The following RBFOX1 variants were observed in gnomAD, a reference collection of about 807,000 sequenced individuals.
The protein encoded by RBFOX1 is RNA binding fox-1 homolog 1.
Under a neutral mutation model 57.7 loss-of-function variants are expected in RBFOX1, and 8 were observed. The observed-to-expected ratio is 0.14, with a 90% CI of 0.08 to 0.25. The LOEUF is 0.25. RBFOX1 is among the 10% of genes least tolerant of loss of function. The pLI is 1.00. For missense variants in RBFOX1, 611 were observed against 548.5 expected (o/e 1.11, Z -1.14); for synonymous variants, 326 against 222.4 (o/e 1.47, Z -4.15).
intron 2 of RBFOX1, among the ~76,000 whole-genome samples, chr16:5,560,770 G>A (rs528743348): frequency 2.0e-5 from 3 of 152,240 alleles, no homozygotes; most frequent in South Asian, 2.1e-4. Flanking sequence ...ATACCTATGA[G>A]CTCCATGCTG....
chr16:7,399,220 G>C (rs1186521045), intron 4 of RBFOX1, among the ~76,000 whole-genome samples: 1 of 152,236 alleles, frequency 6.6e-6, no homozygotes, highest in Non-Finnish European at 1.5e-5. Context: ...GGCCGAAGCA[G>C]GTGGATTACC....
chr16:5,511,184 TA>T (rs1340167266), intron 2 of RBFOX1, among the ~76,000 whole-genome samples: 1 of 152,202 alleles, frequency 6.6e-6, no homozygotes, highest in Non-Finnish European at 1.5e-5. Flanking sequence ...AAGAACAGAC[TA>T]GTGATTCTTG....
At chr16:6,104,447 A>G (rs1425243219) in intron 1 of RBFOX1, among the ~76,000 whole-genome samples, 5 of 152,242 alleles carry the variant, frequency 3.3e-5, no homozygotes, top group Non-Finnish European at 2.9e-5. Flanking sequence ...TAATTTATAT[A>G]ACATAAAATC....
At chr16:6,867,013 C>T (rs9932626) in intron 3 of RBFOX1, among the ~76,000 whole-genome samples, 1 of 141,142 alleles carries the variant, frequency 7.1e-6, no homozygotes, top group African/African-American at 2.6e-5. Flanking sequence ...GTTAGCTGTT[C>T]TTTAAAAAAA....
intron 2 of RBFOX1, among the ~76,000 whole-genome samples, chr16:6,643,957 C>T (rs1017046427): frequency 6.6e-6 from 1 of 152,026 alleles, no homozygotes; most frequent in African/African-American, 2.4e-5. Flanking sequence ...GAAACCCCAT[C>T]TGTACTAAAA....
intron 3 of RBFOX1, among the ~76,000 whole-genome samples, chr16:7,037,649 A>ATAT (rs2044915108): frequency 6.6e-6 from 1 of 152,212 alleles, no homozygotes; most frequent in Non-Finnish European, 1.5e-5. Flanking sequence ...CACTCTTCTA[A>ATAT]TTGCTTTGCA....
rs1042659221 is a variant in RBFOX1, at chr16:6,696,705, C to T, written c.-16+42055C>T. Among the ~76,000 whole-genome samples the T allele has an allele frequency of 5.3e-5, 8 of 150,174 alleles. No homozygotes were observed. In the East Asian group the frequency reaches 1.6e-3, roughly 29 times the overall value. ...TATCTCAAAGGAGATTTTTTTTTTC[C>T]ATGTAACTTCCTTGGCTTGTTTAAC... On this transcript the variant is annotated intron_variant, in intron 3 of 15. Coordinates refer to ENST00000550418, the MANE Select transcript of RBFOX1 (RefSeq NM_018723.4).
At chr16:7,550,446 G>A (rs572594734) in intron 5 of RBFOX1, among the ~76,000 whole-genome samples, 3 of 152,272 alleles carry the variant, frequency 2.0e-5, no homozygotes, top group East Asian at 1.9e-4. Flanking sequence ...CAGCAGAGCC[G>A]TGTTGTCCCA....
intron 2 of RBFOX1, among the ~76,000 whole-genome samples, chr16:6,394,818 T>G (rs989282719): frequency 3.3e-5 from 5 of 152,138 alleles, no homozygotes; most frequent in Non-Finnish European, 7.3e-5. Context: ...CCCTAAGTCC[T>G]TGGTGAAAAG....
At chr16:7,433,936 A>G (rs1262736664) in intron 4 of RBFOX1, among the ~76,000 whole-genome samples, 1 of 152,226 alleles carries the variant, frequency 6.6e-6, no homozygotes, top group Non-Finnish European at 1.5e-5. Context: ...TATGTTAGAC[A>G]ATTCATTTAT....
intron 5 of RBFOX1, among the ~76,000 whole-genome samples, chr16:7,570,239 C>G (rs1300759712): frequency 1.3e-5 from 2 of 151,050 alleles, no homozygotes; most frequent in Non-Finnish European, 2.9e-5. Flanking sequence ...TTTTACAAGA[C>G]AGGCTTCTCT....
intron 3 of RBFOX1, among the ~76,000 whole-genome samples, chr16:5,830,478 G>A (rs2056226589): frequency 6.6e-6 from 1 of 151,974 alleles, no homozygotes; most frequent in Admixed American, 6.6e-5. Flanking sequence ...TTGTATAGAG[G>A]CCGGGACTGT....
chr16:5,823,882 A>G (rs1251612893), intron 3 of RBFOX1, among the ~76,000 whole-genome samples: 1 of 152,230 alleles, frequency 6.6e-6, no homozygotes, highest in Non-Finnish European at 1.5e-5. Context: ...CAAAGTAATA[A>G]TATAAATGAA....
intron 2 of RBFOX1, among the ~76,000 whole-genome samples, chr16:5,555,488 T>G (rs894443337): frequency 1.3e-5 from 2 of 151,654 alleles, no homozygotes; most frequent in Admixed American, 1.3e-4. Flanking sequence ...TGACCTCAGG[T>G]GATCCACCTG....
intron 4 of RBFOX1, among the ~76,000 whole-genome samples, chr16:7,080,042 G>GTATATATATATACATATTA (rs1555455709): frequency 3.7e-4 from 53 of 142,078 alleles, no homozygotes; most frequent in Middle Eastern, 3.7e-3. Context: ...GTATATAGAT[G>GTATATATATATACATATTA]TATATATATA....
At chr16:6,239,114 C>T (rs1017491076) in intron 1 of RBFOX1, among the ~76,000 whole-genome samples, 2 of 151,958 alleles carry the variant, frequency 1.3e-5, no homozygotes, top group African/African-American at 4.8e-5. Context: ...CCCTAAAGCC[C>T]ACCCCATTCC....
At chr16:5,871,266 T>C (rs2057463617) in intron 4 of RBFOX1, among the ~76,000 whole-genome samples, 1 of 152,236 alleles carries the variant, frequency 6.6e-6, no homozygotes, top group Non-Finnish European at 1.5e-5. Context: ...TGAAATTCCC[T>C]CTGCTAGCCG....
chr16:6,486,720 T>C (rs1224684257), intron 2 of RBFOX1, among the ~76,000 whole-genome samples: 1 of 152,118 alleles, frequency 6.6e-6, no homozygotes. Flanking sequence ...TGGAGTGTGT[T>C]AAAATATCAA....
chr16:7,626,236 C>G (rs1188463212), intron 10 of RBFOX1, among the ~76,000 whole-genome samples: 6 of 152,210 alleles, frequency 3.9e-5, no homozygotes, highest in Middle Eastern at 3.2e-3. Flanking sequence ...TTCGACACTT[C>G]CTCCTTCCTG....
Sources: gnomAD v4.1 joint callset for allele counts (sites outside exome capture counted in the v4.1 genomes callset) on GRCh38, gnomAD v4.1.1 for gene constraint, MANE v1.5 for transcripts, NCBI Gene and HGNC (gene_info 2026-07-23, HGNC 2026-07-21) for gene names.